HS3ST4: variants seen among roughly 807,000 people sequenced by gnomAD.
HS3ST4 encodes heparan sulfate glucosamine 3-O-sulfotransferase 4.
Under a neutral mutation model 29.2 loss-of-function variants are expected in HS3ST4, and 17 were observed. That is an observed-to-expected ratio of 0.58 (90% CI 0.40 to 0.87). The LOEUF is 0.87. Among genes scored for constraint, HS3ST4 ranks in the 40% least tolerant of loss-of-function variants. The pLI, the probability that HS3ST4 is intolerant of heterozygous loss-of-function variation, is 0.00. For synonymous variants in HS3ST4, 314 were observed against 285.7 expected (o/e 1.10, Z -1.00); for missense variants, 627 against 634.5 (o/e 0.99, Z 0.13).
chr16:26,134,347 CTT>C (rs1567320059), intron 1 of HS3ST4, among the ~76,000 whole-genome samples: 1 of 111,378 alleles, frequency 9.0e-6, no homozygotes, highest in East Asian at 2.3e-4. Context: ...CTTTTCTTTT[CTT>C]TTCTTTTCTT....
intron 1 of HS3ST4, among the ~76,000 whole-genome samples, chr16:26,051,939 G>GTCCT (rs1358327694): frequency 2.4e-4 from 26 of 107,140 alleles, no homozygotes; most frequent in Admixed American, 1.3e-3. Context: ...CCTTCCTTCC[G>GTCCT]TCCTTCCTTC....
At chr16:25,907,765 C>T (rs1968193952) in intron 1 of HS3ST4, among the ~76,000 whole-genome samples, 1 of 152,176 alleles carries the variant, frequency 6.6e-6, no homozygotes, top group African/African-American at 2.4e-5. Context: ...TAATATTGAT[C>T]TCTCCAAATC....
intron 1 of HS3ST4, among the ~76,000 whole-genome samples, chr16:25,906,734 A>T (rs1369739037): frequency 6.6e-6 from 1 of 152,222 alleles, no homozygotes; most frequent in Non-Finnish European, 1.5e-5. Context: ...CAAATTCATG[A>T]AGGTGTGAAA....
At chr16:26,086,344 C>CTTTTCTTTTT (rs747439449) in intron 1 of HS3ST4, among the ~76,000 whole-genome samples, 2 of 129,916 alleles carry the variant, frequency 1.5e-5, no homozygotes, top group Admixed American at 1.6e-4. Flanking sequence ...TTTTCTTTTT[C>CTTTTCTTTTT]TTTTCTTTTT....
At position 26,101,129 on chromosome 16, in the gene HS3ST4, C is replaced by A. The variant is rs7185596; in HGVS notation, c.735-34483C>A. 5.3e-3 allele frequency among the ~76,000 whole-genome samples: 812 copies of A among 152,304 alleles called. 7 individuals carry two copies. The highest frequency in any genetic ancestry group is 0.019 in the African/African-American group (782 of 41,570). On this transcript the variant is annotated intron_variant, in intron 1 of 1. Transcript: ENST00000331351. ...TGCTCCTCTTCACTTTTCTGCAGAA[C>A]CTCTGGTCCAAGTTACCATCATTTC...
At chr16:25,914,353 T>C (rs1968271062) in intron 1 of HS3ST4, among the ~76,000 whole-genome samples, 1 of 150,922 alleles carries the variant, frequency 6.6e-6, no homozygotes, top group Non-Finnish European at 1.5e-5. Context: ...ATGTGGGGTG[T>C]GTATGTTTAT....
At chr16:25,876,865 C>T (rs1032752256) in intron 1 of HS3ST4, among the ~76,000 whole-genome samples, 3 of 152,066 alleles carry the variant, frequency 2.0e-5, no homozygotes, top group Admixed American at 6.6e-5. Context: ...CTCTGTGCTT[C>T]CATAGCTCTT....
chr16:25,729,607 C>A (rs540648471), intron 1 of HS3ST4, among the ~76,000 whole-genome samples: 2 of 151,984 alleles, frequency 1.3e-5, no homozygotes, highest in African/African-American at 4.8e-5. Flanking sequence ...TTGTAACAGA[C>A]TTGAATCCTC....
At chr16:25,895,446 G>A (rs1367509588) in intron 1 of HS3ST4, among the ~76,000 whole-genome samples, 4 of 152,068 alleles carry the variant, frequency 2.6e-5, no homozygotes, top group Non-Finnish European at 4.4e-5. Flanking sequence ...TGTGGAGGGT[G>A]AATGGATGCT....
intron 1 of HS3ST4, among the ~76,000 whole-genome samples, chr16:25,748,499 G>T (rs879771198): frequency 2.0e-5 from 3 of 152,118 alleles, no homozygotes; most frequent in Non-Finnish European, 4.4e-5. Context: ...CAAACATTAA[G>T]AATTCCTCCT....
At chr16:25,955,819 T>TTG (rs1339547880) in intron 1 of HS3ST4, among the ~76,000 whole-genome samples, 2 of 148,734 alleles carry the variant, frequency 1.3e-5, no homozygotes, top group Non-Finnish European at 3.0e-5. Context: ...GATGTATACT[T>TTG]TTTTTTTTTT....
chr16:25,746,289 T>A (rs1275382175), intron 1 of HS3ST4, among the ~76,000 whole-genome samples: 3 of 152,186 alleles, frequency 2.0e-5, no homozygotes, highest in Admixed American at 1.3e-4. Context: ...AGGTGATGGA[T>A]CAGCCAGGGA....
chr16:25,798,843 A>C (rs1219812603), intron 1 of HS3ST4, among the ~76,000 whole-genome samples: 1 of 152,160 alleles, frequency 6.6e-6, no homozygotes, highest in African/African-American at 2.4e-5. Flanking sequence ...ATTCCCATCT[A>C]AAGACCTTGA....
chr16:26,093,398 A>T (rs932222867), intron 1 of HS3ST4, among the ~76,000 whole-genome samples: 2 of 152,146 alleles, frequency 1.3e-5, no homozygotes, highest in African/African-American at 4.8e-5. Context: ...CAGAGGAAGG[A>T]TGAGGCAGCA....
At chr16:26,056,560 T>C (rs940529989) in intron 1 of HS3ST4, among the ~76,000 whole-genome samples, 10 of 152,226 alleles carry the variant, frequency 6.6e-5, no homozygotes, top group African/African-American at 2.4e-4. Flanking sequence ...TAGACAGTGC[T>C]CTTCCCTCTA....
intron 1 of HS3ST4, among the ~76,000 whole-genome samples, chr16:26,033,062 G>T (rs112181800): frequency 3.3e-5 from 5 of 152,222 alleles, no homozygotes; most frequent in African/African-American, 1.2e-4. Flanking sequence ...AGACCTGAAC[G>T]ACAGACTGCG....
intron 1 of HS3ST4, among the ~76,000 whole-genome samples, chr16:25,786,398 G>C (rs1182532247): frequency 6.6e-6 from 1 of 152,106 alleles, no homozygotes; most frequent in Non-Finnish European, 1.5e-5. Context: ...GGGTTGAGAG[G>C]ATTAAGCAAA....
chr16:26,041,066 G>A, intron 1 of HS3ST4, among the ~76,000 whole-genome samples: 1 of 152,178 alleles, frequency 6.6e-6, no homozygotes, highest in East Asian at 1.9e-4. Flanking sequence ...GGCTAGGCAT[G>A]GTGATTCATG....
At chr16:26,023,610 T>G (rs1006594267) in intron 1 of HS3ST4, among the ~76,000 whole-genome samples, 6 of 152,092 alleles carry the variant, frequency 3.9e-5, no homozygotes, top group Middle Eastern at 3.2e-3. Flanking sequence ...CTTGTTATGT[T>G]GGCCAGGCTG....
Sources: gnomAD v4.1 joint callset for allele counts (sites outside exome capture counted in the v4.1 genomes callset) on GRCh38, gnomAD v4.1.1 for gene constraint, MANE v1.5 for transcripts, NCBI Gene and HGNC (gene_info 2026-07-23, HGNC 2026-07-21) for gene names.